The following ANO3 variants were observed in gnomAD, a reference collection of about 807,000 sequenced individuals.
The protein encoded by ANO3 is anoctamin 3.
ANO3 carries 99 observed loss-of-function variants against 144.8 expected under a neutral mutation model. The ratio of observed to expected loss-of-function variants is 0.68; its 90% CI spans 0.58 to 0.81. The LOEUF is 0.81. ANO3 is among the 30% of genes least tolerant of loss of function. ANO3 has a pLI of 0.00. For missense variants in ANO3, 905 were observed against 1,202.2 expected (o/e 0.75, Z 3.66); for synonymous variants, 414 against 392.6 (o/e 1.05, Z -0.64).
chr11:26,599,126 C>A (rs373658447), intron 16 of ANO3, 128 bp downstream of exon 16: 2 of 970,348 alleles, frequency 2.1e-6, no homozygotes, highest in Non-Finnish European at 3.1e-6. Context: ...CTTGGTAACA[C>A]GTACAATTAA....
intron 1 of ANO3, among the ~76,000 whole-genome samples, chr11:26,391,753 C>A (rs1287107808): frequency 6.6e-6 from 1 of 151,818 alleles, no homozygotes; most frequent in Non-Finnish European, 1.5e-5. Flanking sequence ...TTTGAGAGAC[C>A]CTATCTCTAT....
At chr11:26,279,262 A>G (rs1853625045) in intron 1 of ANO3, among the ~76,000 whole-genome samples, 2 of 152,170 alleles carry the variant, frequency 1.3e-5, no homozygotes, top group Admixed American at 6.6e-5. Context: ...AATTTTACCT[A>G]AGTTAGATTT....
At chr11:26,226,644 A>G (rs1299976177) in intron 1 of ANO3, among the ~76,000 whole-genome samples, 2 of 152,174 alleles carry the variant, frequency 1.3e-5, no homozygotes, top group African/African-American at 2.4e-5. Flanking sequence ...CAGTGGCTAC[A>G]TAAATATTTC....
intron 7 of ANO3, 77 bp from the exon 8 acceptor site, chr11:26,531,128 T>C (rs1228727466): frequency 1.4e-5 from 22 of 1,523,374 alleles, no homozygotes; most frequent in Non-Finnish European, 1.7e-5. Flanking sequence ...CTTTAGTACT[T>C]AAGTGAATTG....
intron 4 of ANO3, among the ~76,000 whole-genome samples, chr11:26,504,376 A>G (rs989321282): frequency 3.3e-5 from 5 of 151,104 alleles, no homozygotes; most frequent in African/African-American, 1.2e-4. Context: ...CCTTCTTTCT[A>G]TAAATATTTA....
At chr11:26,326,349 G>GA (rs1298280311) in intron 1 of ANO3, among the ~76,000 whole-genome samples, 2 of 151,950 alleles carry the variant, frequency 1.3e-5, no homozygotes, top group Non-Finnish European at 2.9e-5. Context: ...TAAGCAAAAT[G>GA]AAAAAATAAA....
At chr11:26,544,273 T>TATATATATATATATATACACACACAC in intron 11 of ANO3, among the ~76,000 whole-genome samples, 69 of 58,468 alleles carry the variant, frequency 1.2e-3, no homozygotes, top group East Asian at 2.3e-3. Context: ...TATATATATA[T>TATATATATATATATATACACACACAC]ACACACATAC....
chr11:26,553,062 C>T (rs1849978878), intron 12 of ANO3, among the ~76,000 whole-genome samples, 187 bp from the exon 13 acceptor site: 1 of 126,800 alleles, frequency 7.9e-6, no homozygotes, highest in Non-Finnish European at 1.7e-5. Flanking sequence ...TTTTGCATCA[C>T]AAATATTCTA....
chr11:26,225,496 C>T (rs1852238567), intron 1 of ANO3, among the ~76,000 whole-genome samples: 1 of 152,080 alleles, frequency 6.6e-6, no homozygotes, highest in Admixed American at 6.5e-5. Flanking sequence ...TAGCTTCATG[C>T]TCTCTACTAG....
In ANO3 at chr11:26,468,185, C is replaced by T. The variant is rs147781207; in HGVS notation, c.432+5037C>T. The stretch of plus-strand genomic sequence containing the variant: ...ATCTAGGTTAGCAGGAATAAGCCTA[C>T]GGTAAAGAATCCATGGCATCCGTAG... On this transcript the variant is annotated intron_variant, in intron 4 of 26. Transcript: ENST00000256737. Among the ~76,000 whole-genome samples the T allele has an allele frequency of 1.2e-3, 190 of 152,008 alleles. 3 individuals carry two copies. The South Asian group carries it at 0.038, about 30-fold the overall frequency.
chr11:26,407,348 T>G (rs905835486), intron 1 of ANO3, among the ~76,000 whole-genome samples: 2 of 151,650 alleles, frequency 1.3e-5, no homozygotes, highest in Non-Finnish European at 2.9e-5. Context: ...CTTCTACTAC[T>G]CCTGCTATCC....
intron 17 of ANO3, among the ~76,000 whole-genome samples, chr11:26,606,651 C>G (rs1372228375): frequency 6.6e-6 from 1 of 151,562 alleles, no homozygotes; most frequent in Admixed American, 6.6e-5. Flanking sequence ...TTATTTTGAG[C>G]CTGTGTGTGT....
chr11:26,289,869 G>C (rs1170316865), intron 1 of ANO3, among the ~76,000 whole-genome samples: 1 of 151,496 alleles, frequency 6.6e-6, no homozygotes, highest in Admixed American at 6.6e-5. Context: ...CAGGGATATT[G>C]GTCTAAAATT....
chr11:26,559,500 A>T (rs1850197026), intron 13 of ANO3: 1 of 504,722 alleles, frequency 2.0e-6, no homozygotes, highest in Admixed American at 3.2e-5. Context: ...TCAAGAGAGG[A>T]GAGAAGAGGG....
upstream of ANO3, among the ~76,000 whole-genome samples, chr11:26,328,258 T>C (rs895768614): frequency 2.0e-5 from 3 of 152,160 alleles, no homozygotes; most frequent in Admixed American, 1.3e-4. Context: ...CCAGAAACCA[T>C]AGGCTTTTAG....
chr11:26,608,425 C>T (rs374963682), intron 17 of ANO3, among the ~76,000 whole-genome samples: 57 of 152,204 alleles, frequency 3.7e-4, no homozygotes, highest in African/African-American at 1.2e-3. Flanking sequence ...TTGGGTGGCA[C>T]GGAGTACAGG....
At chr11:26,537,295 G>C in intron 9 of ANO3, 111 bp from the exon 10 acceptor site, 1 of 876,608 alleles carries the variant, frequency 1.1e-6, no homozygotes, top group South Asian at 1.4e-5. Flanking sequence ...AAGTCATTTG[G>C]GTTATCTTAA....
chr11:26,439,720 A>T (rs914125407), intron 1 of ANO3, among the ~76,000 whole-genome samples: 1 of 152,196 alleles, frequency 6.6e-6, no homozygotes, highest in African/African-American at 2.4e-5. Context: ...CATAATATAT[A>T]ATGTGACAAA....
At chr11:26,360,780 T>G (rs1308030557) in intron 1 of ANO3, among the ~76,000 whole-genome samples, 1 of 152,240 alleles carries the variant, frequency 6.6e-6, no homozygotes, top group East Asian at 1.9e-4. Flanking sequence ...TTTATTCATA[T>G]CTCTCAACAT....
Sources: allele counts gnomAD v4.1 joint callset (sites outside exome capture counted in the v4.1 genomes callset), GRCh38; gene constraint gnomAD v4.1.1; transcripts MANE v1.5; gene names NCBI Gene and HGNC (gene_info 2026-07-23, HGNC 2026-07-21).